FBXW11: variants seen among roughly 807,000 people sequenced by gnomAD.
The protein encoded by FBXW11 is F-box and WD repeat domain containing 11.
FBXW11 carries 19 observed loss-of-function variants against 77.6 expected under a neutral mutation model. The ratio of observed to expected loss-of-function variants is 0.24; its 90% CI spans 0.17 to 0.36. The LOEUF (loss-of-function observed/expected upper bound fraction) is 0.36. FBXW11 is among the 10% of genes least tolerant of loss of function. The pLI, the probability that FBXW11 is intolerant of heterozygous loss-of-function variation, is 1.00. For missense variants in FBXW11, 334 were observed against 704.2 expected, an observed-to-expected ratio of 0.47 and a Z score of 5.95; for synonymous variants, 235 against 249.4, an observed-to-expected ratio of 0.94 and a Z score of 0.54.
intron 4 of FBXW11, among the ~76,000 whole-genome samples, chr5:171,905,425 G>A (rs938794862): frequency 2.0e-5 from 3 of 152,118 alleles, no homozygotes; most frequent in Non-Finnish European, 2.9e-5. Context: ...AACAGCATAC[G>A]TAAAGAGCTA....
chr5:171,876,614 T>C lies in FBXW11; in HGVS notation c.972-80A>G. ...TTCTGGTATCTGAGCTCTGTCTGGG[T>C]CTGCAATGGTTTGGATATAGTTTGT... On this transcript the variant is annotated intron_variant, in intron 8 of 13. Transcript: ENST00000517395. This position sits in a 1 kb window ranked among gnomAD's most constrained non-coding sequence, Gnocchi z 4.2. 1 of 1,540,330 alleles carries C rather than the reference T, an allele frequency of 6.5e-7. No homozygotes were observed. The highest frequency in any genetic ancestry group is 8.9e-7 in the Non-Finnish European group (1 of 1,129,620).
chr5:171,896,174 A>T (rs1759732933), intron 6 of FBXW11, among the ~76,000 whole-genome samples: 1 of 152,164 alleles, frequency 6.6e-6, no homozygotes, highest in African/African-American at 2.4e-5. Context: ...CAAATCTGGG[A>T]ACGTACAGAT....
intron 6 of FBXW11, among the ~76,000 whole-genome samples, chr5:171,893,740 G>C (rs935377285): frequency 2.0e-5 from 3 of 152,292 alleles, no homozygotes; most frequent in African/African-American, 7.2e-5. Flanking sequence ...GGGGCCCACA[G>C]AGTTGCTACA....
At chr5:172,001,032 A>C (rs1054341306) in intron 1 of FBXW11, among the ~76,000 whole-genome samples, 3 of 152,194 alleles carry the variant, frequency 2.0e-5, no homozygotes, top group African/African-American at 7.2e-5. Context: ...GTATGTGTGG[A>C]AAGTCTGTAA....
intron 7 of FBXW11, among the ~76,000 whole-genome samples, chr5:171,885,964 T>C (rs892871518): frequency 6.6e-6 from 1 of 152,256 alleles, no homozygotes; most frequent in Non-Finnish European, 1.5e-5. Context: ...AGATAATCTC[T>C]TCAAAGCGCA....
At chr5:171,946,399 A>C (rs1050997793) in intron 2 of FBXW11, among the ~76,000 whole-genome samples, 3 of 152,114 alleles carry the variant, frequency 2.0e-5, no homozygotes, top group Non-Finnish European at 4.4e-5. Context: ...CTCTGGTAAA[A>C]ATTCTCTAAT....
In FBXW11 at chr5:171,915,201, G is replaced by T. The variant is rs1017505588; in HGVS notation, c.148-796C>A. 2.0e-5 allele frequency among the ~76,000 whole-genome samples: 3 copies of T among 152,094 alleles called. No individual in the cohort carries two copies. The East Asian group carries it at 5.8e-4, about 29-fold the overall frequency. ...CTGAAAAGAGTAACAACTCATTTAT[G>T]GATAGCAGTCTCTCTAAATTCCTTC... On this transcript the variant is annotated intron_variant, in intron 2 of 13. Transcript: ENST00000517395.
chr5:171,999,301 G>A (rs1440985831), intron 1 of FBXW11, among the ~76,000 whole-genome samples: 1 of 151,678 alleles, frequency 6.6e-6, no homozygotes, highest in Non-Finnish European at 1.5e-5. Context: ...CACAACCACA[G>A]CAATTTGACT....
At chr5:171,922,086 G>A (rs1267234117) in intron 2 of FBXW11, among the ~76,000 whole-genome samples, 1 of 146,134 alleles carries the variant, frequency 6.8e-6, no homozygotes, top group Non-Finnish European at 1.5e-5. Flanking sequence ...GGGAGGGAGG[G>A]AGGGAGGGAG....
At chr5:171,980,837 C>T (rs1765100774) in intron 1 of FBXW11, among the ~76,000 whole-genome samples, 1 of 152,088 alleles carries the variant, frequency 6.6e-6, no homozygotes, top group African/African-American at 2.4e-5. Context: ...CCCTGATGAC[C>T]CCCATTACTG....
chr5:171,862,178 G>A lies in FBXW11; in HGVS notation c.*1949C>T, dbSNP rs1260665953. The A allele has an allele frequency of 1.3e-5, 2 of 152,402 alleles. No individual in the cohort carries two copies. Among genetic ancestry groups the A allele is most frequent in the East Asian group, 1.9e-4 (1 of 5,198 alleles). 9.4% of individuals were successfully genotyped at this position (152,402 alleles called of 1,614,324 possible). A position where few individuals can be genotyped will look rare whatever the true frequency, so the allele number is the denominator to read the frequency against. On this transcript the variant is annotated 3_prime_UTR_variant, in exon 14 of 14. Transcript: ENST00000517395. ...AACCAGTTTGATATTGAAGCTGTAG[G>A]ATGAAAAGTGGTCAAAGCTAAATCA...
rs1766646328 is a variant in FBXW11 at position 172,004,987 on chromosome 5, G to A, written c.45+1471C>T. 3.9e-5 allele frequency among the ~76,000 whole-genome samples: 6 copies of A among 152,118 alleles called. No individual in the cohort carries two copies. The South Asian group carries it at 1.2e-3, about 31-fold the overall frequency. ...AGTTCTGTGAATTATGCAAAGGACA[G>A]CAAACATTAAGCTGCCTCCATATTT... On this transcript the variant is annotated intron_variant, in intron 1 of 13. Coordinates refer to ENST00000517395, the MANE Select transcript of FBXW11 (RefSeq NM_001378974.1).
At chr5:171,889,636 G>C (rs549107035) in intron 7 of FBXW11, among the ~76,000 whole-genome samples, 1 of 151,726 alleles carries the variant, frequency 6.6e-6, no homozygotes, top group Non-Finnish European at 1.5e-5. Flanking sequence ...CCTGTAATCG[G>C]GGCACTTTGG....
At chr5:171,936,515 A>AC (rs58680722) in intron 2 of FBXW11, among the ~76,000 whole-genome samples, 1 of 151,490 alleles carries the variant, frequency 6.6e-6, no homozygotes, top group African/African-American at 2.4e-5. Flanking sequence ...AAAAAAAAAA[A>AC]CAGGAAATAG....
At position 171,991,607 on chromosome 5, in the gene FBXW11, C is replaced by T. The variant is rs538733342; in HGVS notation, c.45+14851G>A. On this transcript the variant is annotated intron_variant, in intron 1 of 13. Transcript: ENST00000517395. ...CCCATTTCCCATCTTAACGTTTGAT[C>T]CACAGTCTTCACTGTTCAGGTTCTG... 3.3e-5 allele frequency among the ~76,000 whole-genome samples: 5 copies of T among 152,290 alleles called. 1 individual carries two copies. In the East Asian group the frequency reaches 9.6e-4, roughly 29 times the overall value.
Position 172,006,506 on chromosome 5 carries a change from G to C in FBXW11, c.-4C>G. ...CAATCACCGAGTCGGGCTCCATGGC[G>C]GCCCCGGCGGCCCCGCCTCGCTCTC... On this transcript the variant is annotated 5_prime_UTR_variant, in exon 1 of 14. Transcript: ENST00000517395. The C allele has an allele frequency of 6.6e-6, 10 of 1,506,166 alleles. No individual in the cohort carries two copies. The highest frequency in any genetic ancestry group is 8.9e-6 in the Non-Finnish European group (10 of 1,126,050). 93.3% of individuals were successfully genotyped at this position (1,506,166 alleles called of 1,614,324 possible).
intron 1 of FBXW11, among the ~76,000 whole-genome samples, chr5:171,958,805 G>A (rs1581254470): frequency 6.6e-6 from 1 of 152,096 alleles, no homozygotes; most frequent in East Asian, 1.9e-4. Context: ...TTAAAGGTGA[G>A]TGTTTGGGTT....
chr5:171,864,752 A>G (rs1009940404), intron 13 of FBXW11, among the ~76,000 whole-genome samples: 1 of 152,228 alleles, frequency 6.6e-6, no homozygotes, highest in Non-Finnish European at 1.5e-5. Flanking sequence ...CACAATTTCT[A>G]CATTCATCAT....
intron 2 of FBXW11, among the ~76,000 whole-genome samples, chr5:171,915,487 C>T (rs2113957536): frequency 6.6e-6 from 1 of 152,240 alleles, no homozygotes; most frequent in South Asian, 2.1e-4. Flanking sequence ...GTAAGAATCA[C>T]CACTGAACAC....
Sources: allele counts gnomAD v4.1 joint callset (sites outside exome capture counted in the v4.1 genomes callset), GRCh38; gene constraint gnomAD v4.1.1; non-coding constraint Gnocchi (gnomAD v3.1); transcripts MANE v1.5; gene names NCBI Gene and HGNC (gene_info 2026-07-23, HGNC 2026-07-21).